Variants in MYH9 observed in about 807,000 individuals in gnomAD.
MYH9 encodes the protein myosin heavy chain 9.
MYH9 carries 29 observed loss-of-function variants against 241.9 expected under a neutral mutation model. The observed-to-expected ratio is 0.12, with a 90% confidence interval of 0.09 to 0.16. The LOEUF is 0.16. MYH9 is among the 10% of genes least tolerant of loss of function. MYH9 has a pLI of 1.00. For synonymous variants in MYH9, 1,047 were observed against 1,062.6 expected, an observed-to-expected ratio of 0.99 and a Z score of 0.29; for missense variants, 1,803 against 2,595.5, an observed-to-expected ratio of 0.69 and a Z score of 6.63.
intron 31 of MYH9, among the ~76,000 whole-genome samples, chr22:36,291,067 C>A (rs976073029): frequency 8.7e-5 from 13 of 148,854 alleles, no homozygotes; most frequent in Admixed American, 8.7e-4. Flanking sequence ...GGGGGGTCAG[C>A]CCCCCGCCAG....
intron 1 of MYH9, among the ~76,000 whole-genome samples, chr22:36,380,222 G>A (rs965070558): frequency 3.9e-5 from 6 of 152,168 alleles, no homozygotes; most frequent in Admixed American, 6.5e-5. Context: ...CAGCAGCGCC[G>A]GCAGCTCCTC....
Position 36,320,415 on chromosome 22 carries a change from C to A in MYH9, c.869-52G>T, listed in dbSNP as rs765187086. On this transcript the variant is annotated intron_variant, in intron 8 of 40. Transcript: ENST00000216181. The surrounding 1 kb of genome is among the most constrained non-coding windows in gnomAD (Gnocchi z 4.8). ...CTCAGCGAGGTGCTGAAAGTGGAGG[C>A]TCCATCAGCGCTGTGACCTCAAAGG... The A allele has an allele frequency of 6.2e-7, 1 of 1,603,686 alleles. No homozygotes were observed. The highest frequency in any genetic ancestry group is 1.1e-5 in the South Asian group (1 of 91,014).
intron 13 of MYH9, among the ~76,000 whole-genome samples, chr22:36,312,797 GA>G (rs765420981): frequency 1.3e-5 from 2 of 152,144 alleles, no homozygotes; most frequent in Non-Finnish European, 2.9e-5. Flanking sequence ...ACTGATTAAA[GA>G]AAAAAGCTCA....
At chr22:36,331,574 C>A (rs187048906) in intron 3 of MYH9, among the ~76,000 whole-genome samples, 1 of 152,222 alleles carries the variant, frequency 6.6e-6, no homozygotes, top group Non-Finnish European at 1.5e-5. Flanking sequence ...TTAAGCCTCA[C>A]TTCCTCTGTG....
At chr22:36,317,479 GATGT>G (rs1448866346) in intron 11 of MYH9, among the ~76,000 whole-genome samples, 4 of 152,130 alleles carry the variant, frequency 2.6e-5, no homozygotes, top group African/African-American at 9.7e-5. Context: ...AATAATACGC[GATGT>G]CTTTTGAAAA....
chr22:36,355,907 C>A (rs1040538798), intron 1 of MYH9, among the ~76,000 whole-genome samples: 1 of 152,214 alleles, frequency 6.6e-6, no homozygotes, highest in African/African-American at 2.4e-5. Context: ...CCCATCTCCC[C>A]ATGCTGGCTT....
chr22:36,354,882 G>A (rs2017827926), intron 1 of MYH9, among the ~76,000 whole-genome samples: 1 of 151,550 alleles, frequency 6.6e-6, no homozygotes, highest in Non-Finnish European at 1.5e-5. Flanking sequence ...TGCCATTTGA[G>A]CAGGATGTAC....
At chr22:36,373,826 T>A (rs1049268189) in intron 1 of MYH9, among the ~76,000 whole-genome samples, 3 of 152,180 alleles carry the variant, frequency 2.0e-5, no homozygotes, top group Non-Finnish European at 2.9e-5. Flanking sequence ...TCAGTGGACA[T>A]AAGAGGGTCA....
Position 36,294,257 on chromosome 22 carries a change from G to A in MYH9, c.3672C>T (p.Asn1224=), listed in dbSNP as rs148258578. Residue 1224 remains asparagine (N), a synonymous_variant, in exon 28 of 41, where the codon AAC becomes AAT. Coordinates refer to ENST00000216181, the MANE Select transcript of MYH9 (RefSeq NM_002473.6). The part of the protein sequence containing the change: ...NLEKAKQTLE[N]ERGELANEVK... ...CCTCGTTGGCCAGCTCCCCCCGCTC[G>A]TTCTCCAGAGTCTGCTTTGCCTTCT... The A allele has an allele frequency of 3.0e-5, 49 of 1,614,070 alleles. No individual in the cohort carries two copies. The highest frequency in any genetic ancestry group is 1.6e-4 in the Middle Eastern group (1 of 6,062).
rs1338786136 is a variant in MYH9, at chr22:36,282,119, G to C, written c.*549C>G. On this transcript the variant is annotated 3_prime_UTR_variant, in exon 41 of 41. Coordinates refer to ENST00000216181, the MANE Select transcript of MYH9 (RefSeq NM_002473.6). The stretch of plus-strand genomic sequence containing the variant: ...TGCCCTGCACAGAGGTGGAGGCCCA[G>C]GGCCTGCTCCTTCTGGACCGCCCAG... The C allele has an allele frequency of 7.8e-6, 2 of 256,206 alleles. No homozygotes were observed. The highest frequency in any genetic ancestry group is 1.5e-5 in the Non-Finnish European group (2 of 130,282). 15.9% of individuals were successfully genotyped at this position (256,206 alleles called of 1,614,324 possible).
intron 3 of MYH9, among the ~76,000 whole-genome samples, chr22:36,339,730 T>G (rs1412083987): frequency 6.6e-6 from 1 of 152,186 alleles, no homozygotes; most frequent in East Asian, 1.9e-4. Context: ...AGGATCCATA[T>G]GTAATGGGAC....
rs764231966 is a variant in MYH9, at chr22:36,306,611, TG to T, written c.1844-5del. 6.2e-7 allele frequency: 1 copy of T among 1,611,478 alleles called. No individual in the cohort carries two copies. The highest frequency in any genetic ancestry group is 8.5e-7 in the Non-Finnish European group (1 of 1,179,712). On this transcript the variant is annotated splice_polypyrimidine_tract_variant and splice_region_variant and intron_variant, in intron 15 of 40. Coordinates refer to ENST00000216181, the MANE Select transcript of MYH9 (RefSeq NM_002473.6). This position sits in a 1 kb window ranked among gnomAD's most constrained non-coding sequence, Gnocchi z 4.1. ...TCCAGGCCGATGATGCGGTCCACTG[TG>T]GAGACCACAGAGAACACGTGAGTGC...
intron 1 of MYH9, among the ~76,000 whole-genome samples, chr22:36,383,741 T>C (rs975813766): frequency 2.0e-5 from 3 of 151,120 alleles, no homozygotes; most frequent in African/African-American, 7.3e-5. Flanking sequence ...GTAGATCACC[T>C]GAGGTCAGGA....
intron 1 of MYH9, among the ~76,000 whole-genome samples, chr22:36,381,892 C>T (rs1223524436): frequency 1.3e-5 from 2 of 152,340 alleles, no homozygotes; most frequent in East Asian, 3.9e-4. Flanking sequence ...ACATTTCCTT[C>T]AGCACATCTG....
rs768508765 is a variant in MYH9 at position 36,319,559 on chromosome 22, C to T, written c.1089G>A (p.Ala363=). 14 of 1,614,162 alleles carry T rather than the reference C, an allele frequency of 8.7e-6. No individual in the cohort carries two copies. The highest frequency in any genetic ancestry group is 4.4e-5 in the South Asian group (4 of 91,064). ...TGTTACCTGTGTTGTCGGGCATGGA[C>T]GCCTGGTCAGTGTTCCGCTCCTTCT... ...VFKKERNTDQ[A]SMPDNTAAQK... Residue 363 remains alanine, a synonymous_variant, in exon 10 of 41, where the codon GCG becomes GCA. Transcript: ENST00000216181.
chr22:36,374,654 C>A (rs1016978937), intron 1 of MYH9, among the ~76,000 whole-genome samples: 2 of 152,264 alleles, frequency 1.3e-5, no homozygotes, highest in African/African-American at 4.8e-5. Flanking sequence ...GCGCAGGCCG[C>A]GTTCCCAGCA....
chr22:36,318,058 T>C (rs1358851883), intron 11 of MYH9, 149 bp downstream of exon 11: 1 of 775,816 alleles, frequency 1.3e-6, no homozygotes, highest in African/African-American at 1.7e-5. Flanking sequence ...ATGCCACCTC[T>C]CTCCGGGTTG....
intron 1 of MYH9, chr22:36,365,015 C>T (rs1319139163): frequency 7.2e-6 from 1 of 138,292 alleles, no homozygotes; most frequent in Non-Finnish European, 1.5e-5. Context: ...GCCCCTACTT[C>T]TGCATTGGAT....
At chr22:36,348,482 G>A (rs946608491) in intron 2 of MYH9, among the ~76,000 whole-genome samples, 17 of 148,734 alleles carry the variant, frequency 1.1e-4, no homozygotes, top group Admixed American at 1.3e-4. Flanking sequence ...GCACTCCAGC[G>A]GGGGCAACAG....
Sources: gnomAD v4.1 joint callset for allele counts (sites outside exome capture counted in the v4.1 genomes callset) on GRCh38, gnomAD v4.1.1 for gene constraint, Gnocchi (gnomAD v3.1) non-coding constraint, MANE v1.5 for transcripts, NCBI Gene and HGNC (gene_info 2026-07-23, HGNC 2026-07-21) for gene names.